Variants in NFIB observed in about 807,000 individuals in gnomAD.
The protein encoded by NFIB is nuclear factor I B, also known as nuclear factor 1 B-type.
Under a neutral mutation model 61.5 loss-of-function variants are expected in NFIB, and 11 were observed. The ratio of observed to expected loss-of-function variants is 0.18; its 90% CI spans 0.11 to 0.30. NFIB has a LOEUF of 0.30. Among genes scored for constraint, NFIB ranks in the 10% least tolerant of loss-of-function variants. The pLI is 1.00. For missense variants in NFIB, 471 were observed against 608.9 expected, an observed-to-expected ratio of 0.77 and a Z score of 2.38; for synonymous variants, 260 against 216.5, an observed-to-expected ratio of 1.20 and a Z score of -1.76.
the NFIB span, among the ~76,000 whole-genome samples, chr9:14,413,732 C>T: frequency 6.6e-6 from 1 of 152,050 alleles, no homozygotes; most frequent in African/African-American, 2.4e-5. Context: ...GCTATTTTTC[C>T]AAAGGTAATT....
the NFIB span, among the ~76,000 whole-genome samples, chr9:14,514,247 T>G: frequency 6.6e-6 from 1 of 152,050 alleles, no homozygotes; most frequent in Non-Finnish European, 1.5e-5. Flanking sequence ...ACCCTGCAAT[T>G]TTTTTACTGT....
chr9:14,505,298 T>C, the NFIB span, among the ~76,000 whole-genome samples: 1 of 152,190 alleles, frequency 6.6e-6, no homozygotes, highest in Non-Finnish European at 1.5e-5. Flanking sequence ...TCATCAGGGA[T>C]ATTGATCTGT....
At chr9:14,378,443 G>A (rs2061445149) in intron 1 of NFIB, among the ~76,000 whole-genome samples, 2 of 152,106 alleles carry the variant, frequency 1.3e-5, no homozygotes, top group Admixed American at 6.6e-5. Flanking sequence ...TGCAACCTCC[G>A]CCTCCCGGGT....
At chr9:14,183,397 G>GAA (rs957243256) in intron 2 of NFIB, among the ~76,000 whole-genome samples, 6 of 148,648 alleles carry the variant, frequency 4.0e-5, no homozygotes, top group African/African-American at 1.6e-4. Flanking sequence ...TGGTGTCTGG[G>GAA]AAAAAAAATT....
At chr9:14,123,806 GTTGCCCCTCTTCCTCCTAGT>G (rs2039268750) in intron 7 of NFIB, among the ~76,000 whole-genome samples, 1 of 140,662 alleles carries the variant, frequency 7.1e-6, no homozygotes, top group Non-Finnish European at 1.5e-5. Context: ...TGCCTTCCAT[GTTGCCCCTCTTCCTCCTAGT>G]TTGCCCCTCT....
At chr9:14,330,111 A>T (rs769529245) in intron 1 of NFIB, among the ~76,000 whole-genome samples, 1 of 152,156 alleles carries the variant, frequency 6.6e-6, no homozygotes, top group Non-Finnish European at 1.5e-5. Flanking sequence ...TGGGCCACAG[A>T]GAGAGACTCC....
At chr9:14,121,025 G>A (rs1480377311) in intron 7 of NFIB, among the ~76,000 whole-genome samples, 1 of 152,304 alleles carries the variant, frequency 6.6e-6, no homozygotes, top group Middle Eastern at 3.4e-3. Context: ...CACTTTGGGC[G>A]GCTGGGGCAG....
At chr9:14,452,435 G>GGGGAA in the NFIB span, among the ~76,000 whole-genome samples, 1 of 74,766 alleles carries the variant, frequency 1.3e-5, no homozygotes, top group Non-Finnish European at 3.1e-5. Context: ...GAGGGAGGGA[G>GGGGAA]GGGAAGGAAA....
rs2046552562 is a variant in NFIB, at chr9:14,179,718, C to T, written c.616+9G>A. 21 of 1,613,444 alleles carry T rather than the reference C, an allele frequency of 1.3e-5. No homozygotes were observed. The highest frequency in any genetic ancestry group is 1.1e-5 in the Non-Finnish European group (13 of 1,179,546). On this transcript the variant is annotated intron_variant, in intron 3 of 10. Transcript: ENST00000380953. Reference sequence around the variant, plus strand: ...GTCAGATTGCAAATGTCCTGGAACACATATTTACCTGGAGGATTCTTGGCA... The same window carrying T: ...GTCAGATTGCAAATGTCCTGGAACATATATTTACCTGGAGGATTCTTGGCA...
intron 10 of NFIB, among the ~76,000 whole-genome samples, chr9:14,089,058 C>T (rs1233736664): frequency 6.6e-6 from 1 of 152,082 alleles, no homozygotes; most frequent in East Asian, 1.9e-4. Context: ...AAGGTCTCTG[C>T]TTGCACTGAT....
At chr9:14,396,273 T>C (rs1350511102) in intron 1 of NFIB, among the ~76,000 whole-genome samples, 1 of 152,108 alleles carries the variant, frequency 6.6e-6, no homozygotes, top group Non-Finnish European at 1.5e-5. Flanking sequence ...TAAATCACCT[T>C]ATTACACTTC....
chr9:14,348,302 A>G (rs898275384), intron 1 of NFIB, among the ~76,000 whole-genome samples: 5 of 151,724 alleles, frequency 3.3e-5, no homozygotes, highest in African/African-American at 9.7e-5. Context: ...CTATGGCTCT[A>G]AAGCCGAGTT....
At chr9:14,506,359 G>C in the NFIB span, among the ~76,000 whole-genome samples, 2 of 152,166 alleles carry the variant, frequency 1.3e-5, no homozygotes, top group Non-Finnish European at 2.9e-5. Flanking sequence ...TGCTCGGGAG[G>C]ACGGAAAGAT....
chr9:14,225,438 CAG>C (rs2052246581), intron 2 of NFIB, among the ~76,000 whole-genome samples: 1 of 104,616 alleles, frequency 9.6e-6, no homozygotes, highest in Middle Eastern at 0.01. Flanking sequence ...GCCTGGGCGA[CAG>C]AGCGAGACTC....
At chr9:14,525,507 G>C in the NFIB span, among the ~76,000 whole-genome samples, 2 of 152,122 alleles carry the variant, frequency 1.3e-5, no homozygotes, top group Admixed American at 1.3e-4. Context: ...TGAAGGAGAT[G>C]ATTTATATAA....
At chr9:14,379,430 C>T (rs554631051) in intron 1 of NFIB, among the ~76,000 whole-genome samples, 6 of 152,272 alleles carry the variant, frequency 3.9e-5, no homozygotes, top group South Asian at 2.1e-4. Flanking sequence ...CCAGCTGAGA[C>T]ATAAAAGACT....
chr9:14,510,253 T>C, the NFIB span, among the ~76,000 whole-genome samples: 1 of 152,154 alleles, frequency 6.6e-6, no homozygotes, highest in African/African-American at 2.4e-5. Flanking sequence ...CTTTAAATTA[T>C]CTGCAATTAG....
the NFIB span, among the ~76,000 whole-genome samples, chr9:14,511,578 A>T: frequency 1.3e-5 from 2 of 152,218 alleles, no homozygotes; most frequent in African/African-American, 4.8e-5. Context: ...ACTGAAACTC[A>T]GAGAAGCTAA....
intron 6 of NFIB, among the ~76,000 whole-genome samples, chr9:14,141,891 G>C (rs2041748815): frequency 8.9e-6 from 1 of 112,692 alleles, no homozygotes; most frequent in South Asian, 2.8e-4. Flanking sequence ...AATAAATCTT[G>C]CTGCTGCTCA....
Sources: allele counts gnomAD v4.1 joint callset (sites outside exome capture counted in the v4.1 genomes callset), GRCh38; gene constraint gnomAD v4.1.1; transcripts MANE v1.5; gene names NCBI Gene and HGNC (gene_info 2026-07-23, HGNC 2026-07-21).